DOCK3: variants seen among roughly 807,000 people sequenced by gnomAD.
DOCK3 encodes the protein dedicator of cytokinesis 3, also known as dedicator of cytokinesis protein 3.
A neutral mutation model predicts 265.6 loss-of-function variants in DOCK3; 60 were observed. That is an observed-to-expected ratio of 0.23 (90% CI 0.18 to 0.28). The LOEUF (loss-of-function observed/expected upper bound fraction) is 0.28. Among genes scored for constraint, DOCK3 ranks in the 10% least tolerant of loss-of-function variants. The pLI is 1.00. For missense variants in DOCK3, 1,981 were observed against 2,594.3 expected, an observed-to-expected ratio of 0.76 and a Z score of 5.14; for synonymous variants, 881 against 938.0, an observed-to-expected ratio of 0.94 and a Z score of 1.11.
At chr3:51,179,076 A>G (rs2087133078) in intron 12 of DOCK3, among the ~76,000 whole-genome samples, 1 of 152,232 alleles carries the variant, frequency 6.6e-6, no homozygotes, top group South Asian at 2.1e-4. Flanking sequence ...TGATGTCAGG[A>G]CAACAGGTGT....
At chr3:50,992,004 A>C (rs1215270756) in intron 5 of DOCK3, among the ~76,000 whole-genome samples, 1 of 152,242 alleles carries the variant, frequency 6.6e-6, no homozygotes, top group East Asian at 1.9e-4. Flanking sequence ...TGGGTAAATA[A>C]TGAAATTAAG....
chr3:50,733,140 T>A (rs960732409), intron 1 of DOCK3, among the ~76,000 whole-genome samples: 1 of 151,998 alleles, frequency 6.6e-6, no homozygotes. Context: ...GGGCCTAGAG[T>A]AGTTAATATA....
Position 50,855,323 on chromosome 3 carries a change from T to G in DOCK3, c.162+13608T>G, listed in dbSNP as rs186918134. Among the ~76,000 whole-genome samples, 11 of 152,336 alleles carry G rather than the reference T, an allele frequency of 7.2e-5. No homozygotes were observed. The East Asian group carries it at 1.9e-3, about 27-fold the overall frequency. On this transcript the variant is annotated intron_variant, in intron 3 of 52. Transcript: ENST00000266037. The stretch of plus-strand genomic sequence containing the variant: ...TTTCATTAGTGTTTTGTAGTTTTCC[T>G]TGTAGAGATCTGTCACCTCCTTGGT...
At chr3:51,281,361 T>A (rs1035709724) in intron 27 of DOCK3, among the ~76,000 whole-genome samples, 4 of 150,544 alleles carry the variant, frequency 2.7e-5, no homozygotes, top group Non-Finnish European at 1.5e-5. Context: ...TTCAAAGCCA[T>A]CCTGGGCTGC....
At chr3:51,143,217 T>A (rs2085143538) in intron 9 of DOCK3, among the ~76,000 whole-genome samples, 1 of 151,238 alleles carries the variant, frequency 6.6e-6, no homozygotes, top group Admixed American at 6.6e-5. Flanking sequence ...ATAGCTATTC[T>A]AGTAGGTGTG....
At chr3:50,962,139 T>A (rs2076906078) in intron 5 of DOCK3, among the ~76,000 whole-genome samples, 1 of 152,172 alleles carries the variant, frequency 6.6e-6, no homozygotes, top group Non-Finnish European at 1.5e-5. Flanking sequence ...CTCCTAATGC[T>A]ATCCCTCCCC....
intron 2 of DOCK3, among the ~76,000 whole-genome samples, chr3:50,830,914 T>C (rs2045104383): frequency 6.6e-6 from 1 of 152,190 alleles, no homozygotes. Context: ...TTCTTGATTA[T>C]ATGCTAAACA....
intron 3 of DOCK3, among the ~76,000 whole-genome samples, chr3:50,858,010 A>G (rs568491526): frequency 6.6e-6 from 1 of 152,366 alleles, no homozygotes; most frequent in South Asian, 2.1e-4. Flanking sequence ...TCACAATAGC[A>G]AAAACTTGTA....
chr3:51,005,841 G>T (rs573772605), intron 5 of DOCK3, among the ~76,000 whole-genome samples: 11 of 152,122 alleles, frequency 7.2e-5, no homozygotes, highest in African/African-American at 2.7e-4. Flanking sequence ...AAATGTTCCA[G>T]AATGAAACAC....
intron 4 of DOCK3, among the ~76,000 whole-genome samples, chr3:50,908,481 A>G (rs1332880758): frequency 1.3e-5 from 2 of 152,064 alleles, no homozygotes; most frequent in Non-Finnish European, 2.9e-5. Flanking sequence ...TTATTCACCC[A>G]GTAGTCAATT....
At chr3:50,874,811 C>T (rs568796517) in intron 3 of DOCK3, among the ~76,000 whole-genome samples, 4 of 152,192 alleles carry the variant, frequency 2.6e-5, no homozygotes, top group South Asian at 2.1e-4. Flanking sequence ...TTACTGAATA[C>T]GTTTTTCAGT....
intron 5 of DOCK3, among the ~76,000 whole-genome samples, chr3:51,032,205 C>T (rs1184543495): frequency 6.6e-6 from 1 of 151,324 alleles, no homozygotes; most frequent in Non-Finnish European, 1.5e-5. Flanking sequence ...GTGATTTTTC[C>T]ACAGTTTATT....
chr3:51,066,136 A>G (rs2081583334), intron 6 of DOCK3, among the ~76,000 whole-genome samples: 1 of 152,192 alleles, frequency 6.6e-6, no homozygotes, highest in African/African-American at 2.4e-5. Context: ...TATAGGCAAT[A>G]CATGAGGAAA....
At chr3:51,083,031 G>T (rs946835678) in intron 7 of DOCK3, among the ~76,000 whole-genome samples, 1 of 152,148 alleles carries the variant, frequency 6.6e-6, no homozygotes, top group African/African-American at 2.4e-5. Context: ...CATGCTGCCT[G>T]GAGGCCCAAG....
chr3:50,714,139 A>G (rs1331568313), intron 1 of DOCK3, among the ~76,000 whole-genome samples: 1 of 152,030 alleles, frequency 6.6e-6, no homozygotes, highest in Non-Finnish European at 1.5e-5. Context: ...CTACAAGCAT[A>G]CACCACCATG....
chr3:50,688,573 C>A (rs577254442), intron 1 of DOCK3, among the ~76,000 whole-genome samples: 2 of 152,130 alleles, frequency 1.3e-5, no homozygotes, highest in Admixed American at 1.3e-4. Flanking sequence ...AGCGATTCTC[C>A]TGGCTCAGCC....
intron 1 of DOCK3, among the ~76,000 whole-genome samples, chr3:50,714,666 G>C (rs1276063436): frequency 1.3e-5 from 2 of 152,104 alleles, no homozygotes; most frequent in East Asian, 3.9e-4. Flanking sequence ...GCCCAGGCTG[G>C]TCTCCAGCAG....
intron 2 of DOCK3, among the ~76,000 whole-genome samples, chr3:50,783,266 G>A (rs2042018474): frequency 6.6e-6 from 1 of 152,016 alleles, no homozygotes; most frequent in South Asian, 2.1e-4. Flanking sequence ...GTTTTTCATA[G>A]TGGTTGTACC....
intron 3 of DOCK3, among the ~76,000 whole-genome samples, chr3:50,844,234 G>A (rs948480231): frequency 3.3e-5 from 5 of 152,174 alleles, no homozygotes; most frequent in African/African-American, 4.8e-5. Flanking sequence ...GTGAATGAAC[G>A]AGATTGAGTC....
Sources: allele counts gnomAD v4.1 joint callset (sites outside exome capture counted in the v4.1 genomes callset), GRCh38; gene constraint gnomAD v4.1.1; transcripts MANE v1.5; gene names NCBI Gene and HGNC (gene_info 2026-07-23, HGNC 2026-07-21).